The following CIB1 variants were observed in gnomAD, a reference collection of about 807,000 sequenced individuals.
The protein encoded by CIB1 is calcium and integrin binding 1, also known as calcium and integrin-binding protein 1.
A neutral mutation model predicts 25.0 loss-of-function variants in CIB1; 19 were observed. The ratio of observed to expected loss-of-function variants is 0.76; its 90% CI spans 0.53 to 1.12. The LOEUF is 1.12. Among genes scored for constraint, CIB1 ranks in the 50% most tolerant of loss-of-function variants. The pLI, the probability that CIB1 is intolerant of heterozygous loss-of-function variation, is 0.00. For missense variants in CIB1, 236 were observed against 242.6 expected (o/e 0.97, Z 0.18); for synonymous variants, 104 against 98.5 (o/e 1.06, Z -0.33).
the CIB1 span, among the ~76,000 whole-genome samples, chr15:90,260,310 C>A: frequency 6.6e-6 from 1 of 151,652 alleles, no homozygotes; most frequent in Non-Finnish European, 1.5e-5. Context: ...CCAGCCTGGG[C>A]AACAGGCAAA....
chr15:90,232,508 A>G (rs1962521046), intron 2 of CIB1, 181 bp from the exon 3 acceptor site: 2 of 943,190 alleles, frequency 2.1e-6, no homozygotes, highest in African/African-American at 3.4e-5. Flanking sequence ...ACAGCCTAGG[A>G]GTCTATTCTT....
the CIB1 span, chr15:90,265,202 C>G: frequency 7.4e-7 from 1 of 1,346,932 alleles, no homozygotes; most frequent in Non-Finnish European, 9.6e-7. Context: ...GCCATGTACT[C>G]ATTTCTGCTC....
the CIB1 span, chr15:90,259,025 C>G: frequency 6.3e-7 from 1 of 1,592,220 alleles, no homozygotes; most frequent in South Asian, 1.1e-5. Context: ...GATTTGCTAT[C>G]AAAAACAACT....
At chr15:90,256,574 T>C in the CIB1 span, among the ~76,000 whole-genome samples, 1,270 of 40,300 alleles carry the variant, frequency 0.032, 31 homozygotes, top group East Asian at 0.13. Context: ...TCTTTCTTTC[T>C]TTCTTTCTTT....
At chr15:90,237,283 CTTTTTTTT>C (rs35595704), upstream of CIB1, among the ~76,000 whole-genome samples, 1 of 113,244 alleles carries the variant, frequency 8.8e-6, no homozygotes, top group Non-Finnish European at 1.7e-5. Flanking sequence ...CTTTTTTTCC[CTTTTTTTT>C]TTTTTTTTTG....
At chr15:90,259,324 A>G in the CIB1 span, among the ~76,000 whole-genome samples, 1 of 152,154 alleles carries the variant, frequency 6.6e-6, no homozygotes, top group Non-Finnish European at 1.5e-5. Flanking sequence ...CAGGAGGTCA[A>G]GCCTGCAGTG....
the CIB1 span, chr15:90,262,508 A>C: frequency 6.6e-7 from 1 of 1,504,544 alleles, no homozygotes; most frequent in Non-Finnish European, 8.8e-7. Context: ...ACTAGAGGAG[A>C]TCCGCCTTAA....
At chr15:90,259,692 G>GT in the CIB1 span, among the ~76,000 whole-genome samples, 1 of 152,154 alleles carries the variant, frequency 6.6e-6, no homozygotes, top group Non-Finnish European at 1.5e-5. Flanking sequence ...TAGCTGGTTT[G>GT]TTTTTCTAAC....
chr15:90,255,932 G>T, the CIB1 span: 1 of 1,613,046 alleles, frequency 6.2e-7, no homozygotes, highest in Non-Finnish European at 8.5e-7. Flanking sequence ...GGGAGGAAAA[G>T]GGTCGCTCTC....
chr15:90,241,565 G>T, the CIB1 span: 1 of 1,613,204 alleles, frequency 6.2e-7, no homozygotes. Context: ...ACCTCCACCT[G>T]CATGGCTATT....
At chr15:90,253,158 T>C in the CIB1 span, 1 of 912,496 alleles carries the variant, frequency 1.1e-6, no homozygotes, top group Non-Finnish European at 1.7e-6. Flanking sequence ...TGCCCTCGGG[T>C]CAGGTGTATA....
chr15:90,241,940 C>T, the CIB1 span: 1 of 1,614,130 alleles, frequency 6.2e-7, no homozygotes, highest in Admixed American at 1.7e-5. Context: ...TCAAAACATC[C>T]CAGGACTTCA....
At chr15:90,262,582 A>T in the CIB1 span, 15 of 1,534,932 alleles carry the variant, frequency 9.8e-6, 1 homozygote, top group South Asian at 1.8e-4. Flanking sequence ...ACCAGGGTGA[A>T]TCAGCTGGGG....
the CIB1 span, among the ~76,000 whole-genome samples, chr15:90,247,200 T>C: frequency 6.6e-6 from 1 of 150,654 alleles, no homozygotes; most frequent in African/African-American, 2.5e-5. Flanking sequence ...GGTCTCGAAC[T>C]CCTGACCTCG....
At chr15:90,247,141 A>AATTTTT in the CIB1 span, among the ~76,000 whole-genome samples, 26 of 151,562 alleles carry the variant, frequency 1.7e-4, no homozygotes, top group African/African-American at 5.6e-4. Flanking sequence ...ATGCCCAGCT[A>AATTTTT]ATTTTTGTAT....
rs1457018184 is a variant in CIB1, at chr15:90,230,131, C to T, written c.*353G>A. ...CCCACGGGGACAGCCAGCGTGGGTG[C>T]GGCTTGACTTCCCGCTGGCCTCTGC... On this transcript the variant is annotated 3_prime_UTR_variant, in exon 7 of 7. Coordinates refer to ENST00000328649, the MANE Select transcript of CIB1 (RefSeq NM_006384.4). 6 of 319,564 alleles carry T rather than the reference C, an allele frequency of 1.9e-5. No individual in the cohort carries two copies. Among genetic ancestry groups the T allele is most frequent in the South Asian group, 7.3e-5 (2 of 27,276 alleles). 19.8% of individuals were successfully genotyped at this position (319,564 alleles called of 1,614,324 possible).
upstream of CIB1, among the ~76,000 whole-genome samples, chr15:90,236,755 C>G (rs977589968): frequency 2.6e-5 from 4 of 151,860 alleles, no homozygotes; most frequent in Non-Finnish European, 5.9e-5. Flanking sequence ...CCAGGATGGT[C>G]TCGATCTCCT....
chr15:90,258,547 G>A, the CIB1 span: 1 of 618,232 alleles, frequency 1.6e-6, no homozygotes, highest in Non-Finnish European at 2.8e-6. Flanking sequence ...AGGCAGGCCA[G>A]CTGATTTGCT....
chr15:90,253,501 G>A, the CIB1 span: 2 of 522,352 alleles, frequency 3.8e-6, no homozygotes, highest in Non-Finnish European at 6.7e-6. Context: ...ACCACCCCCA[G>A]GGTCTTCTTT....
Sources: allele counts gnomAD v4.1 joint callset (sites outside exome capture counted in the v4.1 genomes callset), GRCh38; gene constraint gnomAD v4.1.1; transcripts MANE v1.5; gene names NCBI Gene and HGNC (gene_info 2026-07-23, HGNC 2026-07-21).